RAB3C: variants seen among roughly 807,000 people sequenced by gnomAD.
RAB3C encodes the protein RAB3C, member RAS oncogene family.
A neutral mutation model predicts 26.4 loss-of-function variants in RAB3C; 17 were observed. That is an observed-to-expected ratio of 0.64 (90% CI 0.44 to 0.97). The LOEUF is 0.97. RAB3C is among the 50% of genes least tolerant of loss of function. The pLI, the probability that RAB3C is intolerant of heterozygous loss-of-function variation, is 0.00. For synonymous variants in RAB3C, 91 were observed against 95.9 expected, an observed-to-expected ratio of 0.95 and a Z score of 0.30; for missense variants, 242 against 281.9, an observed-to-expected ratio of 0.86 and a Z score of 1.01.
Position 58,782,077 on chromosome 5 carries a change from G to A in RAB3C, c.372-42961G>A, listed in dbSNP as rs531807443. 7.8e-4 allele frequency among the ~76,000 whole-genome samples: 119 copies of A among 152,116 alleles called. 1 individual carries two copies. The highest frequency in any genetic ancestry group is 2.7e-3 in the Admixed American group (41 of 15,260). ...TCCTCTGAGTAAAACTGTGTTTTAC[G>A]TGTATTTGCATCCTCTTTTACCCCT... On this transcript the variant is annotated intron_variant, in intron 3 of 4. Coordinates refer to ENST00000282878, the MANE Select transcript of RAB3C (RefSeq NM_138453.4).
intron 1 of RAB3C, among the ~76,000 whole-genome samples, chr5:58,608,427 A>G (rs947843077): frequency 2.8e-4 from 43 of 152,236 alleles, no homozygotes; most frequent in African/African-American, 1.0e-3. Context: ...GCCAAAAGAC[A>G]CATGAAAAAA....
At chr5:58,660,428 A>G (rs547795003) in intron 2 of RAB3C, among the ~76,000 whole-genome samples, 37 of 150,376 alleles carry the variant, frequency 2.5e-4, no homozygotes, top group Middle Eastern at 3.4e-3. Context: ...CAGAAACAAC[A>G]TGAGAGGACG....
chr5:58,664,692 T>C (rs1243778841), intron 2 of RAB3C, among the ~76,000 whole-genome samples: 1 of 152,132 alleles, frequency 6.6e-6, no homozygotes, highest in Non-Finnish European at 1.5e-5. Flanking sequence ...TGAATCTACA[T>C]TTAATTCAAA....
At chr5:58,785,546 AT>A (rs1742359768) in intron 3 of RAB3C, among the ~76,000 whole-genome samples, 1 of 152,208 alleles carries the variant, frequency 6.6e-6, no homozygotes, top group African/African-American at 2.4e-5. Context: ...GAAGATGCTG[AT>A]TCAGTAGGTA....
At chr5:58,718,857 T>G (rs293026) in intron 2 of RAB3C, among the ~76,000 whole-genome samples, 76,760 of 151,552 alleles carry the variant, frequency 0.51, 20,302 homozygotes, top group Non-Finnish European at 0.6. Context: ...GAGGATTAAC[T>G]GCTCTAGGGA....
chr5:58,596,673 AAATATAT>A (rs1371336917), intron 1 of RAB3C, among the ~76,000 whole-genome samples: 12 of 75,692 alleles, frequency 1.6e-4, no homozygotes, highest in Non-Finnish European at 2.0e-4. Flanking sequence ...TATTATATAT[AAATATAT>A]AATATATAAT....
chr5:58,588,284 C>G (rs560059998), intron 1 of RAB3C, among the ~76,000 whole-genome samples: 1 of 152,138 alleles, frequency 6.6e-6, no homozygotes, highest in Admixed American at 6.5e-5. Context: ...ACAATCAAAT[C>G]TTTTGCCAAA....
At chr5:58,764,724 T>G (rs959168934) in intron 3 of RAB3C, among the ~76,000 whole-genome samples, 2 of 152,136 alleles carry the variant, frequency 1.3e-5, no homozygotes, top group Non-Finnish European at 2.9e-5. Context: ...AAAAAAAATC[T>G]GCCGATAATA....
chr5:58,700,455 G>C (rs1452454170), intron 2 of RAB3C, among the ~76,000 whole-genome samples: 2 of 152,144 alleles, frequency 1.3e-5, no homozygotes, highest in Non-Finnish European at 2.9e-5. Context: ...ATACTGAATA[G>C]GTAACATCCA....
chr5:58,745,483 C>CTGTTAT (rs1741384999), intron 3 of RAB3C, among the ~76,000 whole-genome samples: 1 of 150,576 alleles, frequency 6.6e-6, no homozygotes, highest in African/African-American at 2.4e-5. Context: ...AGACCACAAG[C>CTGTTAT]TGTTATTCAA....
intron 1 of RAB3C, among the ~76,000 whole-genome samples, chr5:58,590,022 A>G (rs993259757): frequency 2.0e-5 from 3 of 152,232 alleles, no homozygotes; most frequent in African/African-American, 7.2e-5. Flanking sequence ...TCCAGATCAA[A>G]GGCCAGTCCA....
chr5:58,709,247 G>T (rs1266384249), intron 2 of RAB3C, among the ~76,000 whole-genome samples: 2 of 152,158 alleles, frequency 1.3e-5, no homozygotes, highest in Admixed American at 6.5e-5. Flanking sequence ...ACATGTTGTT[G>T]TCTTTTGGCA....
At chr5:58,785,276 G>C (rs1376063222) in intron 3 of RAB3C, among the ~76,000 whole-genome samples, 1 of 152,142 alleles carries the variant, frequency 6.6e-6, no homozygotes, top group Non-Finnish European at 1.5e-5. Context: ...TGACTTCATT[G>C]GTCTGGGATG....
Position 58,750,412 on chromosome 5 carries a change from GAT to G in RAB3C, c.371+24297_371+24298del, listed in dbSNP as rs1741497273. On this transcript the variant is annotated intron_variant, in intron 3 of 4. Transcript: ENST00000282878. ...TTAAGATTTTGGAAAATAAATGCAT[GAT>G]ATATGTGTTGAATTGAATCATTGCC... 2.0e-5 allele frequency among the ~76,000 whole-genome samples: 3 copies of G among 152,344 alleles called. No individual in the cohort carries two copies. In the South Asian group the frequency reaches 6.2e-4, roughly 32 times the overall value.
At chr5:58,835,957 C>T (rs1743737661) in intron 4 of RAB3C, among the ~76,000 whole-genome samples, 1 of 152,134 alleles carries the variant, frequency 6.6e-6, no homozygotes, top group South Asian at 2.1e-4. Context: ...TGCACACTGG[C>T]CAGTGTTATT....
chr5:58,793,075 CA>C (rs1311399574), intron 3 of RAB3C, among the ~76,000 whole-genome samples: 1 of 152,046 alleles, frequency 6.6e-6, no homozygotes, highest in African/African-American at 2.4e-5. Flanking sequence ...AACCCTGTCA[CA>C]AATGGAGGGG....
chr5:58,766,188 C>T (rs1741899570), intron 3 of RAB3C, among the ~76,000 whole-genome samples: 1 of 151,120 alleles, frequency 6.6e-6, no homozygotes, highest in Non-Finnish European at 1.5e-5. Context: ...CACGATCTCA[C>T]CTCACTGCAA....
At chr5:58,845,456 C>T (rs1743966727) in intron 4 of RAB3C, among the ~76,000 whole-genome samples, 1 of 151,720 alleles carries the variant, frequency 6.6e-6, no homozygotes, top group Non-Finnish European at 1.5e-5. Context: ...AAGAAGGGTT[C>T]TTGTTGAGCA....
chr5:58,635,645 C>A (rs772853246), intron 2 of RAB3C, among the ~76,000 whole-genome samples: 1 of 152,190 alleles, frequency 6.6e-6, no homozygotes, highest in Non-Finnish European at 1.5e-5. Context: ...TCGTCAGATT[C>A]TTTCTTCCTC....
Sources: allele counts gnomAD v4.1 joint callset (sites outside exome capture counted in the v4.1 genomes callset), GRCh38; gene constraint gnomAD v4.1.1; transcripts MANE v1.5; gene names NCBI Gene and HGNC (gene_info 2026-07-23, HGNC 2026-07-21).